The following CNTNAP2 variants were observed in gnomAD, a reference collection of about 807,000 sequenced individuals.
CNTNAP2 encodes the protein contactin associated protein 2, also known as contactin-associated protein-like 2.
CNTNAP2 carries 98 observed loss-of-function variants against 155.2 expected under a neutral mutation model. The observed-to-expected ratio is 0.63, with a 90% CI of 0.54 to 0.75. CNTNAP2 has a LOEUF of 0.75. CNTNAP2 is among the 30% of genes least tolerant of loss of function. CNTNAP2 has a pLI of 0.00. For synonymous variants in CNTNAP2, 651 were observed against 631.2 expected (o/e 1.03, Z -0.47); for missense variants, 1,727 against 1,688.1 (o/e 1.02, Z -0.40).
chr7:147,958,014 G>A (rs1801049808), intron 14 of CNTNAP2, among the ~76,000 whole-genome samples: 1 of 152,168 alleles, frequency 6.6e-6, no homozygotes, highest in South Asian at 2.1e-4. Context: ...GGTTGAGGCT[G>A]CAGTGACAGA....
intron 3 of CNTNAP2, among the ~76,000 whole-genome samples, chr7:146,926,337 C>T (rs1291636315): frequency 6.6e-6 from 1 of 152,070 alleles, no homozygotes; most frequent in African/African-American, 2.4e-5. Context: ...TAACAGTACT[C>T]TTCTTTAGTC....
intron 19 of CNTNAP2, among the ~76,000 whole-genome samples, chr7:148,221,968 T>C (rs950396482): frequency 1.3e-5 from 2 of 152,226 alleles, no homozygotes; most frequent in Non-Finnish European, 2.9e-5. Flanking sequence ...ATTTGAATGG[T>C]ACCAGGGTAA....
At chr7:146,685,475 C>T (rs577668269) in intron 1 of CNTNAP2, among the ~76,000 whole-genome samples, 33 of 152,270 alleles carry the variant, frequency 2.2e-4, no homozygotes, top group Middle Eastern at 3.4e-3. Context: ...GGCTGGTTGA[C>T]ATTTCCTGGT....
intron 8 of CNTNAP2, among the ~76,000 whole-genome samples, chr7:147,174,140 C>G (rs1802288075): frequency 6.6e-6 from 1 of 152,078 alleles, no homozygotes; most frequent in Non-Finnish European, 1.5e-5. Flanking sequence ...ATATTAATAG[C>G]AGCATTATAC....
chr7:147,887,709 A>T (rs899545228), intron 13 of CNTNAP2, among the ~76,000 whole-genome samples: 6 of 152,168 alleles, frequency 3.9e-5, no homozygotes, highest in African/African-American at 1.4e-4. Context: ...AAATTATATC[A>T]AATATCCCTG....
intron 14 of CNTNAP2, among the ~76,000 whole-genome samples, chr7:147,907,793 A>G (rs1184770173): frequency 6.9e-6 from 1 of 145,094 alleles, no homozygotes; most frequent in African/African-American, 2.5e-5. Context: ...TTCTTTATTT[A>G]TTTATTTTGA....
At chr7:146,615,558 C>T (rs1199302721) in intron 1 of CNTNAP2, among the ~76,000 whole-genome samples, 1 of 152,208 alleles carries the variant, frequency 6.6e-6, no homozygotes, top group Non-Finnish European at 1.5e-5. Flanking sequence ...GTTGGTGACT[C>T]ACCCATATCT....
At chr7:147,106,668 A>G (rs967928261) in intron 4 of CNTNAP2, among the ~76,000 whole-genome samples, 2 of 152,196 alleles carry the variant, frequency 1.3e-5, no homozygotes, top group Non-Finnish European at 2.9e-5. Flanking sequence ...TTTTCAAAGT[A>G]TGTGAAAGCC....
At chr7:148,389,876 T>TAAAA (rs1224051069) in intron 22 of CNTNAP2, 1 of 151,952 alleles carries the variant, frequency 6.6e-6, no homozygotes, top group Non-Finnish European at 1.5e-5. Context: ...GGTTATTTTT[T>TAAAA]AAAAAGAAAA....
intron 4 of CNTNAP2, among the ~76,000 whole-genome samples, chr7:147,080,012 T>C (rs1800088918): frequency 6.6e-6 from 1 of 151,488 alleles, no homozygotes; most frequent in Admixed American, 6.6e-5. Flanking sequence ...TTTTTTTTTT[T>C]TTTTTGCATA....
intron 1 of CNTNAP2, among the ~76,000 whole-genome samples, chr7:146,651,832 T>C (rs1004841504): frequency 4.6e-5 from 7 of 152,178 alleles, no homozygotes; most frequent in African/African-American, 1.4e-4. Flanking sequence ...TGGGTTTTCA[T>C]GCAAAACCAT....
intron 21 of CNTNAP2, among the ~76,000 whole-genome samples, chr7:148,317,253 A>G (rs183611062): frequency 1.3e-5 from 2 of 152,266 alleles, no homozygotes; most frequent in African/African-American, 4.8e-5. Context: ...TACTCGGGAG[A>G]CTGAGGCAGG....
intron 13 of CNTNAP2, among the ~76,000 whole-genome samples, chr7:147,898,214 C>T (rs1158169126): frequency 2.6e-5 from 4 of 152,230 alleles, no homozygotes; most frequent in Non-Finnish European, 4.4e-5. Flanking sequence ...AGAGGGCTTG[C>T]TCATTCATTA....
intron 13 of CNTNAP2, among the ~76,000 whole-genome samples, chr7:147,758,120 G>A (rs111288959): frequency 0.029 from 4,412 of 152,194 alleles, 176 homozygotes; most frequent in African/African-American, 0.095. Flanking sequence ...AAAATTCTTC[G>A]CTGTAAGATT....
intron 1 of CNTNAP2, among the ~76,000 whole-genome samples, chr7:146,320,827 T>G (rs1301365250): frequency 6.6e-6 from 1 of 152,110 alleles, no homozygotes; most frequent in Non-Finnish European, 1.5e-5. Context: ...AAAAGTTATT[T>G]TCTAAATGGT....
intron 8 of CNTNAP2, among the ~76,000 whole-genome samples, chr7:147,274,118 A>G (rs1804837043): frequency 6.6e-6 from 1 of 151,970 alleles, no homozygotes; most frequent in Non-Finnish European, 1.5e-5. Context: ...GGTTGACTCC[A>G]TGACTTTGCT....
intron 13 of CNTNAP2, among the ~76,000 whole-genome samples, chr7:147,669,725 C>T (rs1436695739): frequency 1.3e-5 from 2 of 152,218 alleles, no homozygotes. Flanking sequence ...TCTTTTGTTT[C>T]CCATTGGCAC....
intron 8 of CNTNAP2, among the ~76,000 whole-genome samples, chr7:147,296,580 T>A (rs930675428): frequency 2.6e-5 from 4 of 152,234 alleles, no homozygotes; most frequent in Non-Finnish European, 5.9e-5. Context: ...TTAAATGACT[T>A]AAGATATTCT....
rs866618955 is a variant in CNTNAP2, at chr7:147,167,567, T to C, written c.1348+35058T>C. 1.4e-5 allele frequency: 11 copies of C among 785,250 alleles called. No homozygotes were observed. In the African/African-American group the frequency reaches 1.4e-4, roughly 10 times the overall value. The allele number at this position is 785,250 out of a possible 1,614,324, so 48.6% of individuals were successfully genotyped here. On this transcript the variant is annotated intron_variant, in intron 8 of 23. Transcript: ENST00000361727. ...AGACAACTGCTCTCCCAGATGACGA[T>C]GATGACCTGTGAGAATGAAGCTGGA... is the stretch of plus-strand genomic sequence containing the variant.
Sources: gnomAD v4.1 joint callset for allele counts (sites outside exome capture counted in the v4.1 genomes callset) on GRCh38, gnomAD v4.1.1 for gene constraint, MANE v1.5 for transcripts, NCBI Gene and HGNC (gene_info 2026-07-23, HGNC 2026-07-21) for gene names.